Variants in GSTCD observed in about 807,000 individuals in gnomAD.
GSTCD encodes the protein glutathione S-transferase C-terminal domain-containing protein.
GSTCD carries 44 observed loss-of-function variants against 68.3 expected under a neutral mutation model. That is an observed-to-expected ratio of 0.64 (90% confidence interval 0.51 to 0.83). GSTCD has a LOEUF of 0.83. Among genes scored for constraint, GSTCD ranks in the 40% least tolerant of loss-of-function variants. The pLI is 0.00. For synonymous variants in GSTCD, 273 were observed against 255.2 expected (o/e 1.07, Z -0.67); for missense variants, 739 against 735.9 (o/e 1.00, Z -0.05).
chr4:105,802,795 T>C (rs976477788), intron 5 of GSTCD, among the ~76,000 whole-genome samples: 1 of 152,144 alleles, frequency 6.6e-6, no homozygotes, highest in Non-Finnish European at 1.5e-5. Flanking sequence ...ATGTGGCGTT[T>C]GCTATGTTTG....
intron 5 of GSTCD, among the ~76,000 whole-genome samples, chr4:105,802,304 A>G (rs139427900): frequency 2.6e-4 from 40 of 152,210 alleles, no homozygotes; most frequent in African/African-American, 9.6e-4. Context: ...TTGCTCCATT[A>G]TGTGGCATAT....
intron 5 of GSTCD, among the ~76,000 whole-genome samples, chr4:105,744,982 CATCT>C: frequency 6.6e-6 from 1 of 152,140 alleles, no homozygotes; most frequent in Non-Finnish European, 1.5e-5. Flanking sequence ...ATCTTTTATC[CATCT>C]ATCTATATAT....
chr4:105,811,107 T>G (rs1722729042), intron 5 of GSTCD, among the ~76,000 whole-genome samples: 1 of 152,196 alleles, frequency 6.6e-6, no homozygotes, highest in African/African-American at 2.4e-5. Context: ...TACTATGTTA[T>G]TCTGGATTAA....
At chr4:105,768,774 A>C (rs1312907255) in intron 5 of GSTCD, among the ~76,000 whole-genome samples, 3 of 151,640 alleles carry the variant, frequency 2.0e-5, no homozygotes, top group Non-Finnish European at 4.4e-5. Flanking sequence ...TAGCTGTCAT[A>C]AGGTGTTATT....
chr4:105,709,668 C>T (rs887124161), intron 1 of GSTCD, among the ~76,000 whole-genome samples: 11 of 152,082 alleles, frequency 7.2e-5, no homozygotes, highest in African/African-American at 2.4e-4. Context: ...GTTTTTTTCC[C>T]CTTTATTCTT....
chr4:105,828,735 A>G (rs1260531845), intron 8 of GSTCD, among the ~76,000 whole-genome samples: 1 of 152,200 alleles, frequency 6.6e-6, no homozygotes, highest in Non-Finnish European at 1.5e-5. Flanking sequence ...GACACAAACC[A>G]CTTTGCTCCC....
intron 5 of GSTCD, among the ~76,000 whole-genome samples, chr4:105,793,675 G>A (rs1473594760): frequency 4.0e-5 from 6 of 151,716 alleles, no homozygotes; most frequent in Non-Finnish European, 8.8e-5. Flanking sequence ...TCAAATCTCC[G>A]CATACTGCAT....
At chr4:105,782,720 T>C (rs1369286666) in intron 5 of GSTCD, among the ~76,000 whole-genome samples, 1 of 152,000 alleles carries the variant, frequency 6.6e-6, no homozygotes, top group Non-Finnish European at 1.5e-5. Flanking sequence ...GTAGCTGGGA[T>C]TACAGGCATG....
At chr4:105,840,027 T>C (rs778811434) in intron 10 of GSTCD, among the ~76,000 whole-genome samples, 6 of 152,320 alleles carry the variant, frequency 3.9e-5, no homozygotes, top group Middle Eastern at 3.4e-3. Context: ...AGACTCACTT[T>C]GGAAGTGTTT....
chr4:105,769,589 A>C (rs148427960), intron 5 of GSTCD, among the ~76,000 whole-genome samples: 1 of 152,132 alleles, frequency 6.6e-6, no homozygotes, highest in African/African-American at 2.4e-5. Flanking sequence ...TCTTCCTAGA[A>C]TCTCCAGAAT....
intron 1 of GSTCD, 35 bp from the exon 2 acceptor site, chr4:105,717,558 T>C: frequency 8.1e-7 from 1 of 1,233,444 alleles, no homozygotes; most frequent in African/African-American, 1.5e-5. Flanking sequence ...AATGATTATA[T>C]TCTAAGACCA....
At chr4:105,760,348 A>G (rs953677448) in intron 5 of GSTCD, among the ~76,000 whole-genome samples, 1 of 152,098 alleles carries the variant, frequency 6.6e-6, no homozygotes, top group African/African-American at 2.4e-5. Context: ...AATAATCTAT[A>G]TTGTTTTGGA....
chr4:105,747,040 A>G (rs1733828548), intron 5 of GSTCD, among the ~76,000 whole-genome samples: 1 of 152,218 alleles, frequency 6.6e-6, no homozygotes, highest in South Asian at 2.1e-4. Context: ...AAGGTGAAGA[A>G]TGAAAGGGCT....
chr4:105,714,959 AT>A (rs1732640841), intron 1 of GSTCD, among the ~76,000 whole-genome samples: 1 of 152,208 alleles, frequency 6.6e-6, no homozygotes. Flanking sequence ...CTTAAAAGCT[AT>A]TAAATAGCAT....
chr4:105,726,863 T>C (rs1158444211), intron 4 of GSTCD, 33 bp downstream of exon 4: 1 of 1,544,618 alleles, frequency 6.5e-7, no homozygotes, highest in Admixed American at 2.0e-5. Context: ...TTTGAAAAAT[T>C]CTATGTGATA....
chr4:105,843,100 G>C (rs1240246570), intron 11 of GSTCD, among the ~76,000 whole-genome samples: 5 of 152,114 alleles, frequency 3.3e-5, no homozygotes, highest in Non-Finnish European at 7.3e-5. Flanking sequence ...CTTTGGCTGA[G>C]CACCAGATGA....
At chr4:105,774,053 A>G (rs1231567596) in intron 5 of GSTCD, among the ~76,000 whole-genome samples, 2 of 152,130 alleles carry the variant, frequency 1.3e-5, no homozygotes, top group African/African-American at 2.4e-5. Context: ...TATTGGGTGC[A>G]TATATATTTA....
Position 105,822,835 on chromosome 4 carries a change from G to A in GSTCD, c.1241-119G>A, listed in dbSNP as rs751542486. On this transcript the variant is annotated intron_variant, in intron 5 of 11. Coordinates refer to ENST00000515279, the MANE Select transcript of GSTCD (RefSeq NM_001370181.1). ...CATTTATTATTTTATATGTATGTAT[G>A]TATGTGTGTATGCTCCTCCCCCTCC... 6.6e-5 allele frequency: 43 copies of A among 648,610 alleles called. No homozygotes were observed. The Middle Eastern group carries it at 8.7e-4, about 13-fold the overall frequency. The allele number at this position is 648,610 out of a possible 1,614,324, so 40.2% of individuals were successfully genotyped here.
intron 5 of GSTCD, among the ~76,000 whole-genome samples, chr4:105,805,649 A>T (rs930763858): frequency 6.6e-6 from 1 of 152,074 alleles, no homozygotes. Context: ...AAAAGCTAAT[A>T]CCCAAATCAA....
Sources: gnomAD v4.1 joint callset for allele counts (sites outside exome capture counted in the v4.1 genomes callset) on GRCh38, gnomAD v4.1.1 for gene constraint, MANE v1.5 for transcripts, NCBI Gene and HGNC (gene_info 2026-07-23, HGNC 2026-07-21) for gene names.